Variants in ZNF69 observed in about 807,000 individuals in gnomAD.
The protein encoded by ZNF69 is ZNF3.
ZNF69 carries 47 observed loss-of-function variants against 50.9 expected under a neutral mutation model. The observed-to-expected ratio is 0.92, with a 90% CI of 0.73 to 1.18. The LOEUF is 1.18. Among genes scored for constraint, ZNF69 ranks in the 50% most tolerant of loss-of-function variants. The pLI is 0.00. For missense variants in ZNF69, 717 were observed against 675.1 expected (o/e 1.06, Z -0.69); for synonymous variants, 216 against 223.1 (o/e 0.97, Z 0.29).
In ZNF69 at chr19:11,905,005, C is replaced by T; in HGVS notation, c.608C>T (p.Ser203Phe). The change falls in exon 4 of 4, where the codon TCC becomes TTC. Residue 203 changes from serine to phenylalanine, a missense_variant. Coordinates refer to ENST00000429654, the MANE Select transcript of ZNF69 (RefSeq NM_001364730.1). ...AAAGAATGTGGAAAAACTTTTATTT[C>T]CCATTCAAGCATTCAAAGACACGTG... The part of the protein sequence containing the change: ...ACKECGKTFI[S>F]HSSIQRHVVM... 1 of 1,614,096 alleles carries T rather than the reference C, an allele frequency of 6.2e-7. No homozygotes were observed. Among genetic ancestry groups the T allele is most frequent in the Non-Finnish European group, 8.5e-7 (1 of 1,180,014 alleles).
chr19:11,948,277 A>C, the ZNF69 span: 1 of 1,611,572 alleles, frequency 6.2e-7, no homozygotes, highest in Non-Finnish European at 8.5e-7. Flanking sequence ...GTTTTACAGG[A>C]GTCTCATAGA....
At chr19:11,940,243 C>T in the ZNF69 span, among the ~76,000 whole-genome samples, 1 of 152,156 alleles carries the variant, frequency 6.6e-6, no homozygotes. Context: ...ATGTTATTTT[C>T]TAAGTATAAA....
the ZNF69 span, among the ~76,000 whole-genome samples, chr19:11,962,662 C>CCTGAAACAGGG: frequency 1.3e-5 from 2 of 152,076 alleles, no homozygotes; most frequent in Non-Finnish European, 2.9e-5. Context: ...TACTCCCAGC[C>CCTGAAACAGGG]CTGAAACAGA....
At chr19:11,895,323 A>G (rs568806418) in intron 1 of ZNF69, among the ~76,000 whole-genome samples, 5 of 152,386 alleles carry the variant, frequency 3.3e-5, no homozygotes, top group African/African-American at 7.2e-5. Flanking sequence ...CAGAGTGGGG[A>G]GAACATCCAG....
chr19:11,894,182 T>C (rs1230285910), intron 1 of ZNF69, among the ~76,000 whole-genome samples: 1 of 152,208 alleles, frequency 6.6e-6, no homozygotes, highest in Non-Finnish European at 1.5e-5. Context: ...GAGATCTTTT[T>C]TTTTTGAGAC....
the ZNF69 span, among the ~76,000 whole-genome samples, chr19:11,961,922 TACACACACACACAC>T: frequency 4.8e-5 from 7 of 145,088 alleles, no homozygotes; most frequent in South Asian, 2.3e-4. Context: ...TGGCCTCTTT[TACACACACACACAC>T]ACACACACAC....
At chr19:11,892,280 A>G (rs977839779) in intron 1 of ZNF69, among the ~76,000 whole-genome samples, 3 of 151,832 alleles carry the variant, frequency 2.0e-5, no homozygotes, top group Admixed American at 1.3e-4. Context: ...GCACCTGGCT[A>G]GCAACTTAAT....
the ZNF69 span, among the ~76,000 whole-genome samples, chr19:11,963,942 G>A: frequency 1.3e-5 from 2 of 152,218 alleles, no homozygotes; most frequent in African/African-American, 4.8e-5. Context: ...ATGCACTTAA[G>A]TTATCTTAGA....
At chr19:11,925,326 G>C in the ZNF69 span, 1 of 1,600,940 alleles carries the variant, frequency 6.2e-7, no homozygotes, top group Non-Finnish European at 8.5e-7. Context: ...GCCTGGAACA[G>C]GCGGGAACCG....
chr19:11,969,506 C>T, the ZNF69 span, among the ~76,000 whole-genome samples: 2 of 152,062 alleles, frequency 1.3e-5, no homozygotes, highest in Non-Finnish European at 2.9e-5. Flanking sequence ...ATTTCATTTC[C>T]CTATACATTA....
the ZNF69 span, among the ~76,000 whole-genome samples, chr19:11,963,088 A>AGAGAGAGAGAGTGT: frequency 2.3e-4 from 32 of 138,302 alleles, no homozygotes; most frequent in African/African-American, 8.5e-4. Context: ...AGAGAGAGAG[A>AGAGAGAGAGAGTGT]GTGTGTGTGT....
At chr19:11,967,874 C>G in the ZNF69 span, among the ~76,000 whole-genome samples, 4 of 152,190 alleles carry the variant, frequency 2.6e-5, no homozygotes, top group Non-Finnish European at 5.9e-5. Flanking sequence ...TGTGGGCTGA[C>G]AGCGTCACAA....
the ZNF69 span, chr19:11,947,373 G>A: frequency 6.2e-7 from 1 of 1,609,000 alleles, no homozygotes; most frequent in East Asian, 2.2e-5. Context: ...CATGAATGCT[G>A]TTGAGTGATT....
chr19:11,941,265 A>T, the ZNF69 span, among the ~76,000 whole-genome samples: 1 of 152,218 alleles, frequency 6.6e-6, no homozygotes, highest in East Asian at 1.9e-4. Flanking sequence ...CTGCAGGTGG[A>T]GCTGCCTGCC....
chr19:11,894,287 A>G (rs1977169525), intron 1 of ZNF69, among the ~76,000 whole-genome samples: 1 of 152,074 alleles, frequency 6.6e-6, no homozygotes, highest in African/African-American at 2.4e-5. Context: ...CTCCTGCCTC[A>G]GCCTCCTGAG....
intron 1 of ZNF69, among the ~76,000 whole-genome samples, chr19:11,889,527 T>G (rs947191042): frequency 1.3e-5 from 2 of 152,136 alleles, no homozygotes; most frequent in African/African-American, 4.8e-5. Flanking sequence ...GTGCAATGGC[T>G]CAATCTCGGC....
the ZNF69 span, among the ~76,000 whole-genome samples, chr19:11,951,080 G>A: frequency 6.7e-6 from 1 of 149,730 alleles, no homozygotes; most frequent in Admixed American, 6.6e-5. Context: ...GAACCTGGGA[G>A]GCGGAGGTTG....
chr19:11,909,472 G>A (rs113368406), downstream of ZNF69, among the ~76,000 whole-genome samples: 2 of 152,256 alleles, frequency 1.3e-5, no homozygotes, highest in South Asian at 2.1e-4. Flanking sequence ...TATCCACCAC[G>A]ATCAAGTTGG....
chr19:11,914,893 A>G (rs1972508160), downstream of ZNF69, among the ~76,000 whole-genome samples: 1 of 152,186 alleles, frequency 6.6e-6, no homozygotes, highest in African/African-American at 2.4e-5. Context: ...AAAGTGACTC[A>G]GAGCAGGGAA....
Sources: gnomAD v4.1 joint callset for allele counts (sites outside exome capture counted in the v4.1 genomes callset) on GRCh38, gnomAD v4.1.1 for gene constraint, MANE v1.5 for transcripts, NCBI Gene and HGNC (gene_info 2026-07-23, HGNC 2026-07-21) for gene names.